CFAP46: variants seen among roughly 807,000 people sequenced by gnomAD.
The protein encoded by CFAP46 is cilia and flagella associated protein 46.
A neutral mutation model predicts 325.7 loss-of-function variants in CFAP46; 245 were observed. The ratio of observed to expected loss-of-function variants is 0.75; its 90% CI spans 0.68 to 0.84. The LOEUF (loss-of-function observed/expected upper bound fraction) is 0.84. Ranked by LOEUF, CFAP46 falls within the 40% of genes least tolerant of loss-of-function variation. The probability of loss-of-function intolerance (pLI) is 0.00; values close to 1 mark genes in which losing one functional copy is unlikely to be tolerated. For synonymous variants in CFAP46, 1,523 were observed against 1,495.9 expected (o/e 1.02, Z -0.42); for missense variants, 3,346 against 3,543.0 (o/e 0.94, Z 1.41).
chr10:132,880,915 G>A lies in CFAP46; in HGVS notation c.3745C>T (p.Leu1249=). Residue 1249 remains leucine, a synonymous_variant, in exon 28 of 58, where the codon CTG becomes TTG. Transcript: ENST00000368586. ...VFHLRWAVEI[L]LAMKPPGDVP... is the part of the protein sequence containing the mutation. ...TCGCCGGGCGGCTTCATGGCCAGCA[G>A]GATCTCGACAGCCCAGCGGAGGTGG... 6.5e-7 allele frequency: 1 copy of A among 1,550,340 alleles called. No individual in the cohort carries two copies. The highest frequency in any genetic ancestry group is 8.7e-7 in the Non-Finnish European group (1 of 1,146,916).
At chr10:132,901,072 TC>T (rs1223559407) in intron 22 of CFAP46, among the ~76,000 whole-genome samples, 4 of 152,228 alleles carry the variant, frequency 2.6e-5, no homozygotes, top group Non-Finnish European at 5.9e-5. Context: ...AGTGCCTCTC[TC>T]CCATCCTTTT....
intron 19 of CFAP46, among the ~76,000 whole-genome samples, chr10:132,911,039 C>A (rs1849533579): frequency 6.6e-6 from 1 of 152,210 alleles, no homozygotes; most frequent in Admixed American, 6.5e-5. Flanking sequence ...ATCATCACAT[C>A]TAAGAGGGAA....
chr10:132,919,505 A>AT lies in CFAP46; in HGVS notation c.1731-64_1731-63insA, dbSNP rs1849688538. On this transcript the variant is annotated intron_variant, in intron 14 of 57. Coordinates refer to ENST00000368586, the MANE Select transcript of CFAP46 (RefSeq NM_001200049.3). This position sits in a 1 kb window ranked among gnomAD's most constrained non-coding sequence, Gnocchi z 9.7. ...GACAAGTGTGGTTGCTGAAGTTAGAAAACACCTGGGCTGGCTGCCTGAGAA... is the reference window on the plus strand; with the variant it reads ...GACAAGTGTGGTTGCTGAAGTTAGAATAACACCTGGGCTGGCTGCCTGAGAA... The AT allele has an allele frequency of 1.3e-6, 2 of 1,502,060 alleles. No individual in the cohort carries two copies. Among genetic ancestry groups the AT allele is most frequent in the East Asian group, 5.0e-5 (2 of 39,888 alleles). The allele number at this position is 1,502,060 out of a possible 1,614,324, so 93.0% of individuals were successfully genotyped here. A position where few individuals can be genotyped will look rare whatever the true frequency, so the allele number is the denominator to read the frequency against.
chr10:132,879,993 AG>A (rs1849014516), intron 28 of CFAP46, among the ~76,000 whole-genome samples: 4 of 152,162 alleles, frequency 2.6e-5, no homozygotes, highest in Admixed American at 6.5e-5. Flanking sequence ...AGTTCTGAGC[AG>A]GGCCCCCACT....
chr10:132,924,770 C>T lies in CFAP46; in HGVS notation c.1182G>A (p.Leu394=). The change falls in exon 11 of 58, where the codon CTG becomes CTA. Residue 394 remains leucine, a synonymous_variant. Transcript: ENST00000368586. The part of the protein sequence containing the change: ...CATQWNTCLP[L]LQHNLRHHLR... ...GGTGGTGCCGCAGGTTGTGCTGCAG[C>T]AGGGGCAGGCAGGTGTTCCACTGCG... is the stretch of plus-strand genomic sequence containing the variant. The T allele has an allele frequency of 6.5e-7, 1 of 1,532,550 alleles. No individual in the cohort carries two copies. The highest frequency in any genetic ancestry group is 8.8e-7 in the Non-Finnish European group (1 of 1,139,532). The allele number at this position is 1,532,550 out of a possible 1,614,324, so 94.9% of individuals were successfully genotyped here.
intron 32 of CFAP46, among the ~76,000 whole-genome samples, chr10:132,870,561 C>T (rs1216416651): frequency 6.6e-6 from 1 of 152,122 alleles, no homozygotes; most frequent in African/African-American, 2.4e-5. Flanking sequence ...GCCTCAGTGC[C>T]GGTATGAAAA....
At chr10:132,813,172 C>T (rs369935662) in intron 54 of CFAP46, among the ~76,000 whole-genome samples, 1 of 152,060 alleles carries the variant, frequency 6.6e-6, no homozygotes, top group African/African-American at 2.4e-5. Flanking sequence ...CTGCGGGAAA[C>T]GCTAGGAGGG....
chr10:132,900,206 C>T (rs1042826335), intron 22 of CFAP46, among the ~76,000 whole-genome samples: 2 of 152,212 alleles, frequency 1.3e-5, no homozygotes, highest in African/African-American at 4.8e-5. Flanking sequence ...CTTTTGGGGC[C>T]TCTCCCCTCT....
chr10:132,817,203 T>G lies in CFAP46; in HGVS notation c.7118-2289A>C, dbSNP rs989507585. On this transcript the variant is annotated intron_variant, in intron 50 of 57. Coordinates refer to ENST00000368586, the MANE Select transcript of CFAP46 (RefSeq NM_001200049.3). This position sits in a 1 kb window ranked among gnomAD's most constrained non-coding sequence, Gnocchi z 4.4. ...ATTTCATACCTCTGAGGAGGCGAACTTTCGATTCTCATGATGTCCATGTCC... is the reference window on the plus strand; with the variant it reads ...ATTTCATACCTCTGAGGAGGCGAACGTTCGATTCTCATGATGTCCATGTCC... Among the ~76,000 whole-genome samples the G allele has an allele frequency of 3.3e-5, 5 of 152,200 alleles. No homozygotes were observed. Among genetic ancestry groups the G allele is most frequent in the African/African-American group, 1.2e-4 (5 of 41,430 alleles).
intron 50 of CFAP46, among the ~76,000 whole-genome samples, chr10:132,821,386 ATGTGTGCTGTGTGTGTGC>A (rs1432058642): frequency 0.011 from 836 of 78,304 alleles, 7 homozygotes; most frequent in South Asian, 0.02. Context: ...GTGTGCACTG[ATGTGTGCTGTGTGTGTGC>A]TGTGTGCTGT....
chr10:132,812,022 C>T (rs1847590782), intron 55 of CFAP46, among the ~76,000 whole-genome samples: 1 of 152,254 alleles, frequency 6.6e-6, no homozygotes, highest in South Asian at 2.1e-4. Context: ...GGCAAGTGGG[C>T]TGGCCCTGCA....
chr10:132,809,053 G>A (rs1847525965), intron 57 of CFAP46, 149 bp from the exon 58 acceptor site: 7 of 811,346 alleles, frequency 8.6e-6, no homozygotes, highest in Middle Eastern at 3.7e-4. Flanking sequence ...CCTCCAGGGC[G>A]CCCCCACCAC....
chr10:132,832,592 T>A lies in CFAP46; in HGVS notation c.7117+766A>T. ...AACGAATCTGGTCCCTGTTACTTCA[T>A]CTGAGATGGAAGCAAAAGTCCAATC... On this transcript the variant is annotated intron_variant, in intron 50 of 57. Coordinates refer to ENST00000368586, the MANE Select transcript of CFAP46 (RefSeq NM_001200049.3). This position sits in a 1 kb window ranked among gnomAD's most constrained non-coding sequence, Gnocchi z 4.1. 2.8e-6 allele frequency: 1 copy of A among 353,892 alleles called. No homozygotes were observed. The highest frequency in any genetic ancestry group is 6.9e-4 in the Middle Eastern group (1 of 1,448). The allele number at this position is 353,892 out of a possible 1,614,324, so 21.9% of individuals were successfully genotyped here. A position where few individuals can be genotyped will look rare whatever the true frequency, so the allele number is the denominator to read the frequency against.
Position 132,919,951 on chromosome 10 carries a change from C to T in CFAP46, c.1730+108G>A, listed in dbSNP as rs1849696045. 18 of 1,372,776 alleles carry T rather than the reference C, an allele frequency of 1.3e-5. No homozygotes were observed. In the South Asian group the frequency reaches 2.7e-4, roughly 21 times the overall value. 85.0% of individuals were successfully genotyped at this position (1,372,776 alleles called of 1,614,324 possible). On this transcript the variant is annotated intron_variant, in intron 14 of 57. Transcript: ENST00000368586. This position sits in a 1 kb window ranked among gnomAD's most constrained non-coding sequence, Gnocchi z 9.7. ...CTGGAGCAGGTGGCCTGGCGAGTCC[C>T]CAGACGGCCACATGCAGGGTCAGCT...
Position 132,839,383 on chromosome 10 carries a change from G to A in CFAP46, c.6439-2469C>T, listed in dbSNP as rs190805944. On this transcript the variant is annotated intron_variant, in intron 44 of 57. Coordinates refer to ENST00000368586, the MANE Select transcript of CFAP46 (RefSeq NM_001200049.3). ...AGGGGAACCAGGCTAAGACCTCACCGGAAGGAGGAAGAGCCTTCGTGAACC... is the reference window on the plus strand; with the variant it reads ...AGGGGAACCAGGCTAAGACCTCACCAGAAGGAGGAAGAGCCTTCGTGAACC... Among the ~76,000 whole-genome samples, 548 of 152,328 alleles carry A rather than the reference G, an allele frequency of 3.6e-3. 3 individuals are homozygous for A. The highest frequency in any genetic ancestry group is 0.013 in the African/African-American group (525 of 41,570).
At chr10:132,922,356 G>T in intron 12 of CFAP46, 124 bp downstream of exon 12, 1 of 1,451,318 alleles carries the variant, frequency 6.9e-7, no homozygotes. Flanking sequence ...TGACAGCTCG[G>T]TCCCAGGCCT....
chr10:132,926,532 T>C, intron 10 of CFAP46, 36 bp downstream of exon 10: 1 of 1,447,008 alleles, frequency 6.9e-7, no homozygotes, highest in Non-Finnish European at 9.4e-7. Flanking sequence ...ATCTGCAAAA[T>C]AATGCCAGGT....
chr10:132,837,058 T>G (rs1591044303), intron 44 of CFAP46, 144 bp from the exon 45 acceptor site: 1 of 624,500 alleles, frequency 1.6e-6, no homozygotes, highest in Admixed American at 2.8e-5. Flanking sequence ...GCCCTTGGGG[T>G]GGGGGGCCCT....
chr10:132,866,700 G>A (rs552985436), intron 34 of CFAP46, among the ~76,000 whole-genome samples: 1 of 152,210 alleles, frequency 6.6e-6, no homozygotes, highest in South Asian at 2.1e-4. Context: ...GCACTGCTGT[G>A]TTCTGGATCC....
Sources: gnomAD v4.1 joint callset for allele counts (sites outside exome capture counted in the v4.1 genomes callset) on GRCh38, gnomAD v4.1.1 for gene constraint, Gnocchi (gnomAD v3.1) non-coding constraint, MANE v1.5 for transcripts, NCBI Gene and HGNC (gene_info 2026-07-23, HGNC 2026-07-21) for gene names.